The following BRCC3 variants were observed in gnomAD, a reference collection of about 807,000 sequenced individuals.
The protein encoded by BRCC3 is BRCA1/BRCA2-containing complex subunit 3.
In BRCC3, 15 loss-of-function variants were observed where a neutral mutation model predicts 28.0. That is an observed-to-expected ratio of 0.54 (90% CI 0.36 to 0.82). BRCC3 has a LOEUF of 0.82. Ranked by LOEUF, BRCC3 falls within the 40% of genes least tolerant of loss-of-function variation. The pLI is 0.01. For synonymous variants in BRCC3, 66 were observed against 80.3 expected (o/e 0.82, Z 0.95); for missense variants, 109 against 225.9 (o/e 0.48, Z 3.32).
chrX:155,086,034 G>C (rs782139712), intron 5 of BRCC3, among the ~76,000 whole-genome samples: 1 of 111,720 alleles, frequency 9.0e-6, no homozygotes, highest in African/African-American at 3.3e-5. Flanking sequence ...TCTGGGAGCA[G>C]AGTGATAGGA....
intron 7 of BRCC3, among the ~76,000 whole-genome samples, chrX:155,098,546 T>A (rs1214266558): frequency 1.8e-5 from 2 of 112,204 alleles, no homozygotes; most frequent in African/African-American, 6.5e-5. Flanking sequence ...GGGGCCTACA[T>A]TTGTAAATCA....
At chrX:155,071,846 C>G (rs910912769) in intron 1 of BRCC3, among the ~76,000 whole-genome samples, 196 bp downstream of exon 1, 1 of 111,863 alleles carries the variant, frequency 8.9e-6, no homozygotes, top group East Asian at 2.8e-4. Context: ...CTCCTGCGAG[C>G]CCCCGGCGGT....
In BRCC3 at chrX:155,121,743, T is replaced by A. The variant is rs185361068; in HGVS notation, c.*539T>A. 2.6e-4 allele frequency: 29 copies of A among 111,996 alleles called. No individual in the cohort carries two copies. Among genetic ancestry groups the A allele is most frequent in the Admixed American group, 2.2e-3 (23 of 10,602 alleles). The allele number at this position is 111,996 out of a possible 1,213,427, so 9.2% of individuals were successfully genotyped here. On this transcript the variant is annotated 3_prime_UTR_variant, in exon 11 of 11. Coordinates refer to ENST00000330045, the MANE Select transcript of BRCC3 (RefSeq NM_001018055.3). Reference sequence around the variant, plus strand: ...GACTTCTTCAAAATTTAAAAACTTGTGATTTAAGAAGAGGAAAAGATAAGC... The same window carrying A: ...GACTTCTTCAAAATTTAAAAACTTGAGATTTAAGAAGAGGAAAAGATAAGC...
chrX:155,071,821 T>C (rs984163031), intron 1 of BRCC3, among the ~76,000 whole-genome samples, 171 bp downstream of exon 1: 7 of 111,612 alleles, frequency 6.3e-5, no homozygotes, highest in Non-Finnish European at 1.3e-4. Context: ...TCTGGCCGCC[T>C]GACACTTGTT....
intron 7 of BRCC3, among the ~76,000 whole-genome samples, chrX:155,114,442 C>T (rs1219923018): frequency 1.8e-5 from 2 of 109,863 alleles, no homozygotes; most frequent in African/African-American, 3.3e-5. Flanking sequence ...CACCAGGGGC[C>T]GGGAGAAGGG....
intron 7 of BRCC3, among the ~76,000 whole-genome samples, chrX:155,096,872 C>T (rs2074213192): frequency 8.9e-6 from 1 of 111,992 alleles, no homozygotes; most frequent in Non-Finnish European, 1.9e-5. Context: ...AGTCAACTAA[C>T]CGTCAACAAA....
chrX:155,108,077 A>G, intron 7 of BRCC3, among the ~76,000 whole-genome samples: 1 of 112,014 alleles, frequency 8.9e-6, no homozygotes, highest in Non-Finnish European at 1.9e-5. Flanking sequence ...ATAGAACCTT[A>G]CCAGCCCTCC....
At chrX:155,079,113 A>T (rs1032157405) in intron 5 of BRCC3, among the ~76,000 whole-genome samples, 1 of 111,682 alleles carries the variant, frequency 9.0e-6, no homozygotes, top group Non-Finnish European at 1.9e-5. Flanking sequence ...CTTTCTTTCT[A>T]CCTTTACCCC....
chrX:155,089,445 A>C, intron 6 of BRCC3, 94 bp downstream of exon 6: 1 of 534,972 alleles, frequency 1.9e-6, no homozygotes. Flanking sequence ...TTGCGATTTT[A>C]ATAGGATGGT....
chrX:155,104,551 G>T (rs2074266175), intron 7 of BRCC3, among the ~76,000 whole-genome samples: 1 of 112,147 alleles, frequency 8.9e-6, no homozygotes, highest in Non-Finnish European at 1.9e-5. Context: ...TCACTGGAGG[G>T]TCTGGACATG....
intron 2 of BRCC3, among the ~76,000 whole-genome samples, chrX:155,073,074 A>G (rs1164932365): frequency 1.8e-5 from 2 of 111,819 alleles, no homozygotes; most frequent in African/African-American, 6.5e-5. Flanking sequence ...CCTTTCGGTA[A>G]CATTTTAATT....
At chrX:155,085,042 T>C (rs782183164) in intron 5 of BRCC3, among the ~76,000 whole-genome samples, 47 of 111,977 alleles carry the variant, frequency 4.2e-4, no homozygotes, top group Non-Finnish European at 7.3e-4. Flanking sequence ...ACATTTCCAA[T>C]GGCCTCCACA....
chrX:155,075,311 TCCCCACACTAAATGTG>T (rs2074028332), intron 3 of BRCC3, among the ~76,000 whole-genome samples: 1 of 109,180 alleles, frequency 9.2e-6, no homozygotes, highest in South Asian at 3.6e-4. Flanking sequence ...TTCTTGTTCT[TCCCCACACTAAATGTG>T]GCCACTCCCC....
chrX:155,090,352 C>T (rs1557295480), intron 6 of BRCC3, among the ~76,000 whole-genome samples: 1 of 112,620 alleles, frequency 8.9e-6, no homozygotes, highest in Non-Finnish European at 1.9e-5. Context: ...GTTATATTCT[C>T]AGAATCTGTG....
intron 5 of BRCC3, among the ~76,000 whole-genome samples, chrX:155,080,481 A>G (rs1204319097): frequency 9.1e-6 from 1 of 110,176 alleles, no homozygotes; most frequent in Non-Finnish European, 1.9e-5. Flanking sequence ...AAAAAAAGGG[A>G]TACTGCAGAA....
At chrX:155,085,205 A>G (rs188136032) in intron 5 of BRCC3, among the ~76,000 whole-genome samples, 7 of 112,398 alleles carry the variant, frequency 6.2e-5, no homozygotes, top group African/African-American at 2.3e-4. Context: ...TCATTCCTCC[A>G]CTGACATTAA....
At chrX:155,114,827 A>G (rs2074343963) in intron 7 of BRCC3, among the ~76,000 whole-genome samples, 1 of 111,864 alleles carries the variant, frequency 8.9e-6, no homozygotes, top group African/African-American at 3.2e-5. Context: ...TTGGAGCACC[A>G]GAAGTAGACA....
chrX:155,090,620 T>G (rs2074167912), intron 6 of BRCC3, among the ~76,000 whole-genome samples, 164 bp from the exon 7 acceptor site: 1 of 112,474 alleles, frequency 8.9e-6, no homozygotes, highest in Non-Finnish European at 1.9e-5. Flanking sequence ...TGTGACCATC[T>G]TATGTTGACT....
At chrX:155,092,787 T>C (rs1418893206) in intron 7 of BRCC3, among the ~76,000 whole-genome samples, 1 of 111,416 alleles carries the variant, frequency 9.0e-6, no homozygotes, top group African/African-American at 3.3e-5. Context: ...CTGGGTTGGA[T>C]CCATTGTCAC....
Sources: allele counts gnomAD v4.1 joint callset (sites outside exome capture counted in the v4.1 genomes callset), GRCh38; gene constraint gnomAD v4.1.1; transcripts MANE v1.5; gene names NCBI Gene and HGNC (gene_info 2026-07-23, HGNC 2026-07-21).